The following OLFM4 variants were observed in gnomAD, a reference collection of about 807,000 sequenced individuals.
OLFM4 encodes the protein olfactomedin-4.
A neutral mutation model predicts 25.5 loss-of-function variants in OLFM4; 22 were observed. The ratio of observed to expected loss-of-function variants is 0.86; its 90% CI spans 0.62 to 1.23. The LOEUF (loss-of-function observed/expected upper bound fraction) is 1.23, where lower values mean the gene tolerates loss of function less well. Ranked by LOEUF, OLFM4 falls within the 50% of genes most tolerant of loss-of-function variation. The pLI is 0.00. For synonymous variants in OLFM4, 255 were observed against 237.7 expected (o/e 1.07, Z -0.67); for missense variants, 594 against 619.4 (o/e 0.96, Z 0.44).
chr13:53,029,182 A>T (rs1954615020), intron 1 of OLFM4, 142 bp downstream of exon 1: 2 of 1,209,200 alleles, frequency 1.7e-6, no homozygotes, highest in African/African-American at 3.0e-5. Context: ...GGTGCCCCGG[A>T]AATGAATTAA....
intron 4 of OLFM4, among the ~76,000 whole-genome samples, chr13:53,044,528 C>T (rs1031668423): frequency 5.9e-5 from 9 of 152,040 alleles, no homozygotes; most frequent in Admixed American, 5.2e-4. Flanking sequence ...AGATATAAGC[C>T]TCTTGGTCTT....
intron 1 of OLFM4, among the ~76,000 whole-genome samples, chr13:53,032,560 T>C (rs989574241): frequency 1.3e-5 from 2 of 152,036 alleles, no homozygotes; most frequent in African/African-American, 4.8e-5. Context: ...CCTTCCCCTA[T>C]TCAAACCCTG....
At chr13:53,041,494 GAAC>G (rs1159789841) in intron 2 of OLFM4, among the ~76,000 whole-genome samples, 3 of 151,824 alleles carry the variant, frequency 2.0e-5, no homozygotes, top group Middle Eastern at 6.3e-3. Flanking sequence ...GGAGGGAGAG[GAAC>G]AACAACAAAA....
intron 1 of OLFM4, among the ~76,000 whole-genome samples, chr13:53,030,256 T>C (rs190077732): frequency 3.7e-4 from 56 of 152,322 alleles, no homozygotes; most frequent in African/African-American, 1.2e-3. Flanking sequence ...GTCTAATAAA[T>C]GCCAGGACTA....
In OLFM4 at chr13:53,028,847, G is replaced by C. The variant is rs774897874; in HGVS notation, c.11G>C (p.Gly4Ala). 3 of 1,614,210 alleles carry C rather than the reference G, an allele frequency of 1.9e-6. No homozygotes were observed. The highest frequency in any genetic ancestry group is 1.7e-6 in the Non-Finnish European group (2 of 1,180,020). Reference protein sequence around the residue: MRPGLSFLLALLFF... With the variant: MRPALSFLLALLFF... Reference sequence around the variant, plus strand: ...AGCTAAGAGGACAAGATGAGGCCCGGCCTCTCATTTCTCCTAGCCCTTCTG... The same window carrying C: ...AGCTAAGAGGACAAGATGAGGCCCGCCCTCTCATTTCTCCTAGCCCTTCTG... Residue 4 changes from glycine to alanine, a missense_variant, in exon 1 of 5, where the codon GGC (glycine) becomes GCC (alanine). By Grantham distance (60) the Gly-to-Ala change is moderately conservative. Transcript: ENST00000219022.
At chr13:53,033,851 G>C (rs988095801) in intron 1 of OLFM4, among the ~76,000 whole-genome samples, 25 of 143,540 alleles carry the variant, frequency 1.7e-4, no homozygotes, top group Non-Finnish European at 2.8e-4. Flanking sequence ...ACGAGGTCAG[G>C]AGATCGAGAC....
intron 4 of OLFM4, among the ~76,000 whole-genome samples, chr13:53,046,455 G>C (rs1159816165): frequency 6.6e-6 from 1 of 152,194 alleles, no homozygotes; most frequent in Non-Finnish European, 1.5e-5. Context: ...CTCAAATTAT[G>C]TTCCATGGAG....
In OLFM4 at chr13:53,041,921, T is replaced by C; in HGVS notation, c.369T>C (p.Tyr123=). 1.2e-6 allele frequency: 2 copies of C among 1,613,354 alleles called. No individual in the cohort carries two copies. The highest frequency in any genetic ancestry group is 2.2e-5 in the East Asian group (1 of 44,872). ...TGATTTTCTTTCAGGTGAGGGAATA[T>C]GTCCAATTAATTAGTGTGTATGAAA... is the stretch of plus-strand genomic sequence containing the variant. ...FEKELSKVRE[Y]VQLISVYEKK... Residue 123 remains tyrosine, a synonymous_variant, in exon 3 of 5, where the codon TAT becomes TAC. Transcript: ENST00000219022.
chr13:53,050,364 G>A lies in OLFM4; in HGVS notation c.1126G>A (p.Ala376Thr). The change falls in exon 5 of 5, where the codon GCT (alanine) becomes ACT (threonine). Residue 376 changes from alanine (A) to threonine (T), a missense_variant. By Grantham distance (58) the Ala-to-Thr change is moderately conservative (BLOSUM62 0). Coordinates refer to ENST00000219022, the MANE Select transcript of OLFM4 (RefSeq NM_006418.5). ...NAAYNNRFSY[A>T]NVAWQDIDFA... ...TGCCTATAATAACCGCTTTTCATAT[G>A]CTAATGTTGCTTGGCAAGATATTGA... 2.5e-6 allele frequency: 4 copies of A among 1,614,016 alleles called. No individual in the cohort carries two copies. Among genetic ancestry groups the A allele is most frequent in the Non-Finnish European group, 3.4e-6 (4 of 1,179,962 alleles).
At chr13:53,043,547 G>A (rs955119270) in intron 4 of OLFM4, among the ~76,000 whole-genome samples, 2 of 152,178 alleles carry the variant, frequency 1.3e-5, no homozygotes, top group African/African-American at 2.4e-5. Flanking sequence ...TTTTCTAACA[G>A]GGAACAAAAA....
chr13:53,050,969 C>T lies in OLFM4; in HGVS notation c.*198C>T, dbSNP rs759107785. 46 of 547,438 alleles carry T rather than the reference C, an allele frequency of 8.4e-5. No individual in the cohort carries two copies. The highest frequency in any genetic ancestry group is 2.4e-4 in the South Asian group (8 of 32,924). 33.9% of individuals were successfully genotyped at this position (547,438 alleles called of 1,614,324 possible). A position where few individuals can be genotyped will look rare whatever the true frequency, so the allele number is the denominator to read the frequency against. ...CTTGGGAATCATCTGCCTCTTCAGG[C>T]GCATTTTGCAATAAAGTCTGTCTAG... On this transcript the variant is annotated 3_prime_UTR_variant, in exon 5 of 5. Transcript: ENST00000219022.
chr13:53,050,714 C>G lies in OLFM4; in HGVS notation c.1476C>G (p.Val492=). ...NYNPFDQKLY[V]YNDGYLLNYD... Reference sequence around the variant, plus strand: ...ACCCTTTTGACCAGAAACTTTATGTCTATAACGATGGTTACCTTCTGAATT... The same window carrying G: ...ACCCTTTTGACCAGAAACTTTATGTGTATAACGATGGTTACCTTCTGAATT... Residue 492 remains valine, a synonymous_variant, in exon 5 of 5, where the codon GTC becomes GTG. Coordinates refer to ENST00000219022, the MANE Select transcript of OLFM4 (RefSeq NM_006418.5). The G allele has an allele frequency of 1.2e-6, 2 of 1,612,040 alleles. No individual in the cohort carries two copies. Among genetic ancestry groups the G allele is most frequent in the Non-Finnish European group, 8.5e-7 (1 of 1,179,286 alleles).
intron 1 of OLFM4, among the ~76,000 whole-genome samples, chr13:53,030,503 A>T (rs952816488): frequency 6.6e-6 from 1 of 152,106 alleles, no homozygotes; most frequent in African/African-American, 2.4e-5. Context: ...GAGTTTCACC[A>T]TGTTGGTCAG....
chr13:53,050,575 T>G lies in OLFM4; in HGVS notation c.1337T>G (p.Met446Arg). Residue 446 changes from methionine (M) to arginine (R), a missense_variant, in exon 5 of 5, where the codon ATG becomes AGG. Transcript: ENST00000219022. Reference sequence around the variant, plus strand: ...GGGGTTCTGTATGCCACCCGTACTATGAACACCAGAACAGAAGAGATTTTT... The same window carrying G: ...GGGGTTCTGTATGCCACCCGTACTAGGAACACCAGAACAGAAGAGATTTTT... ...VCGVLYATRT[M>R]NTRTEEIFYY... The G allele has an allele frequency of 1.9e-6, 3 of 1,613,998 alleles. No individual in the cohort carries two copies. The highest frequency in any genetic ancestry group is 1.3e-5 in the African/African-American group (1 of 75,010).
intron 4 of OLFM4, among the ~76,000 whole-genome samples, chr13:53,048,638 G>A (rs928573696): frequency 9.9e-5 from 15 of 152,196 alleles, no homozygotes; most frequent in Admixed American, 7.2e-4. Flanking sequence ...CCCCTTCCCC[G>A]CCTCCATGCT....
chr13:53,035,019 T>C (rs1954650893), intron 2 of OLFM4, among the ~76,000 whole-genome samples: 1 of 152,006 alleles, frequency 6.6e-6, no homozygotes, highest in Non-Finnish European at 1.5e-5. Context: ...AATCTCTCTT[T>C]TCCTTTCCTG....
chr13:53,028,942 T>A lies in OLFM4; in HGVS notation c.106T>A (p.Ser36Thr), dbSNP rs35790097. 1 of 1,614,144 alleles carries A rather than the reference T, an allele frequency of 6.2e-7. No homozygotes were observed. Among genetic ancestry groups the A allele is most frequent in the African/African-American group, 1.3e-5 (1 of 74,986 alleles). ...TCCAATTCCCAGCCCCGGCTTCAGC[T>A]CTTTCCCAGGTGTTGACTCCAGCTC... The part of the protein sequence containing the change: ...GPPIPSPGFS[S>T]FPGVDSSSSF... The change falls in exon 1 of 5, where the codon TCT becomes ACT. Residue 36 changes from serine (S) to threonine (T), a missense_variant. Coordinates refer to ENST00000219022, the MANE Select transcript of OLFM4 (RefSeq NM_006418.5).
intron 1 of OLFM4, among the ~76,000 whole-genome samples, chr13:53,034,076 A>AAAAG (rs1566315567): frequency 2.8e-5 from 4 of 142,262 alleles, no homozygotes; most frequent in Non-Finnish European, 3.0e-5. Flanking sequence ...AAAAAAAAAA[A>AAAAG]AAAAAGCCTC....
rs746000682 is a variant in OLFM4 at position 53,050,721 on chromosome 13, G to A, written c.1483G>A (p.Asp495Asn). The A allele has an allele frequency of 1.2e-5, 19 of 1,610,692 alleles. No individual in the cohort carries two copies. In the East Asian group the frequency reaches 2.0e-4, roughly 17 times the overall value. ...PFDQKLYVYN[D>N]GYLLNYDLSV... ...TGACCAGAAACTTTATGTCTATAAC[G>A]ATGGTTACCTTCTGAATTATGATCT... Residue 495 changes from aspartate (D) to asparagine (N), a missense_variant, in exon 5 of 5, where the codon GAT becomes AAT. By Grantham distance (23) the Asp-to-Asn change is conservative. Transcript: ENST00000219022.
Sources: gnomAD v4.1 joint callset for allele counts (sites outside exome capture counted in the v4.1 genomes callset) on GRCh38, gnomAD v4.1.1 for gene constraint, MANE v1.5 for transcripts, NCBI Gene and HGNC (gene_info 2026-07-23, HGNC 2026-07-21) for gene names.